The following C2CD3 variants were observed in gnomAD, a reference collection of about 807,000 sequenced individuals.
C2CD3 encodes the protein C2 domain containing 3 centriole elongation regulator.
C2CD3 carries 148 observed loss-of-function variants against 234.0 expected under a neutral mutation model. The observed-to-expected ratio is 0.63, with a 90% CI of 0.55 to 0.72. The LOEUF (loss-of-function observed/expected upper bound fraction) is 0.72. C2CD3 is among the 30% of genes least tolerant of loss of function. The probability of loss-of-function intolerance (pLI) is 0.00; values close to 1 mark genes in which losing one functional copy is unlikely to be tolerated. For synonymous variants in C2CD3, 1,000 were observed against 1,035.4 expected, an observed-to-expected ratio of 0.97 and a Z score of 0.66; for missense variants, 2,577 against 2,811.5, an observed-to-expected ratio of 0.92 and a Z score of 1.89.
At chr11:74,132,801 G>C in intron 7 of C2CD3, 43 bp downstream of exon 7, 3 of 1,591,320 alleles carry the variant, frequency 1.9e-6, no homozygotes, top group Non-Finnish European at 2.6e-6. Flanking sequence ...CTATGAATTG[G>C]AGGAAGAGTT....
At chr11:74,156,346 C>T (rs932641033) in intron 3 of C2CD3, among the ~76,000 whole-genome samples, 7 of 151,426 alleles carry the variant, frequency 4.6e-5, no homozygotes, top group African/African-American at 1.5e-4. Flanking sequence ...CCTGTAGTCC[C>T]CACTACTAGG....
chr11:74,106,524 T>C (rs984913027), intron 12 of C2CD3, 31 bp from the exon 13 acceptor site: 4 of 1,605,350 alleles, frequency 2.5e-6, no homozygotes, highest in African/African-American at 1.3e-5. Context: ...ACATTTAGAT[T>C]AATTAAAGAG....
intron 30 of C2CD3, chr11:74,034,485 T>C: frequency 6.3e-7 from 1 of 1,579,120 alleles, no homozygotes; most frequent in South Asian, 1.2e-5. Flanking sequence ...GACCAGAATC[T>C]AATCTATAGT....
At chr11:74,160,205 T>C (rs1049955719) in intron 3 of C2CD3, among the ~76,000 whole-genome samples, 2 of 152,092 alleles carry the variant, frequency 1.3e-5, no homozygotes, top group Non-Finnish European at 2.9e-5. Flanking sequence ...TGAGGACACA[T>C]TTCTCAAAAT....
intron 32 of C2CD3, among the ~76,000 whole-genome samples, chr11:74,025,369 A>C (rs543940335): frequency 3.9e-5 from 6 of 152,282 alleles, no homozygotes; most frequent in African/African-American, 1.2e-4. Flanking sequence ...AGGCTGAGGC[A>C]GGCGGATCAC....
At chr11:74,170,367 C>T (rs914207739) in intron 1 of C2CD3, among the ~76,000 whole-genome samples, 15 of 152,212 alleles carry the variant, frequency 9.9e-5, no homozygotes, top group Non-Finnish European at 1.6e-4. Context: ...CACAATCACA[C>T]AACAAATGAT....
rs745456841 is a variant in C2CD3, at chr11:74,133,490, C to G, written c.1023G>C (p.Glu341Asp). The change falls in exon 6 of 33, where the codon GAG becomes GAC. Residue 341 changes from glutamate to aspartate, a missense_variant. Coordinates refer to ENST00000334126, the MANE Select transcript of C2CD3 (RefSeq NM_001286577.2). ...GAACTTGGTCCAACAACATGCTGGT[C>G]TCTGGGCTTGATTTCATTGCAGAAA... Reference protein sequence around the residue: ...MVISAMKSSPETSMLLDQVHP... With the variant: ...MVISAMKSSPDTSMLLDQVHP... 1.9e-6 allele frequency: 3 copies of G among 1,613,930 alleles called. No homozygotes were observed. Among genetic ancestry groups the G allele is most frequent in the Non-Finnish European group, 2.5e-6 (3 of 1,179,822 alleles).
Position 74,098,200 on chromosome 11 carries a change from C to T in C2CD3, c.2788G>A (p.Asp930Asn), listed in dbSNP as rs759702373. 7.7e-5 allele frequency: 124 copies of T among 1,613,858 alleles called. No individual in the cohort carries two copies. The highest frequency in any genetic ancestry group is 9.8e-5 in the Non-Finnish European group (116 of 1,179,952). The stretch of plus-strand genomic sequence containing the variant: ...ACATCAATCACAGGCATGTAGCTGT[C>T]GACAGCAACAACTGGGTACTGGGCA... ...LDAQYPVVAV[D>N]SYMPVIDVFS... Residue 930 changes from aspartate to asparagine, a missense_variant, in exon 16 of 33, where the codon GAC becomes AAC. By Grantham distance (23) the Asp-to-Asn change is conservative. Transcript: ENST00000334126.
chr11:74,070,317 TTTGCTGAAGGCAAAGCTCC>T (rs759539868), intron 24 of C2CD3, among the ~76,000 whole-genome samples: 1 of 152,234 alleles, frequency 6.6e-6, no homozygotes, highest in Non-Finnish European at 1.5e-5. Context: ...AGAACTCAGC[TTTGCTGAAGGCAAAGCTCC>T]TAATTTGGGG....
chr11:74,103,923 G>GCTC (rs993603929), intron 13 of C2CD3, among the ~76,000 whole-genome samples: 109 of 152,200 alleles, frequency 7.2e-4, no homozygotes, highest in African/African-American at 2.5e-3. Context: ...AGCTGAAGAG[G>GCTC]CTCCCACTGG....
chr11:74,014,004 C>T (rs1041108709), intron 32 of C2CD3, among the ~76,000 whole-genome samples: 6 of 152,168 alleles, frequency 3.9e-5, no homozygotes, highest in African/African-American at 1.4e-4. Flanking sequence ...TTTGGAGCTC[C>T]TGGAGTTGCC....
chr11:74,118,406 C>A, intron 8 of C2CD3, 24 bp from the exon 9 acceptor site: 1 of 1,592,396 alleles, frequency 6.3e-7, no homozygotes, highest in Non-Finnish European at 8.6e-7. Flanking sequence ...GAAACAGAGA[C>A]ACTAAATGAC....
chr11:74,125,935 T>C (rs752537679), intron 7 of C2CD3, among the ~76,000 whole-genome samples: 1 of 152,176 alleles, frequency 6.6e-6, no homozygotes, highest in Non-Finnish European at 1.5e-5. Context: ...TCTCTCTCTA[T>C]GACATATACC....
In C2CD3 at chr11:74,168,485, G is replaced by T. The variant is rs587777653; in HGVS notation, c.184C>A (p.Arg62=). ...IAKPPTCVLV[R]VRWWGETSDG... ...GATGTTTCTCCCCACCATCTCACTC[G>T]GACAAGTACACAAGTGGGAGGCTTT... The change falls in exon 2 of 33, where the codon CGA becomes AGA. Residue 62 remains arginine, a synonymous_variant. Coordinates refer to ENST00000334126, the MANE Select transcript of C2CD3 (RefSeq NM_001286577.2). 2 of 1,613,980 alleles carry T rather than the reference G, an allele frequency of 1.2e-6. No homozygotes were observed. The highest frequency in any genetic ancestry group is 2.7e-5 in the African/African-American group (2 of 74,894).
intron 31 of C2CD3, among the ~76,000 whole-genome samples, chr11:74,031,451 G>T (rs1952519006): frequency 6.6e-6 from 1 of 152,140 alleles, no homozygotes; most frequent in Non-Finnish European, 1.5e-5. Context: ...ACTTTTCCTT[G>T]TCTCTATTGC....
At chr11:74,096,387 C>T (rs577156075) in intron 16 of C2CD3, among the ~76,000 whole-genome samples, 2 of 152,230 alleles carry the variant, frequency 1.3e-5, no homozygotes, top group East Asian at 3.9e-4. Context: ...TAGGTCTCTG[C>T]TTTGAAATCT....
intron 18 of C2CD3, among the ~76,000 whole-genome samples, chr11:74,093,577 C>T (rs916759406): frequency 6.6e-6 from 1 of 151,990 alleles, no homozygotes; most frequent in Non-Finnish European, 1.5e-5. Flanking sequence ...ATAAATAAAA[C>T]TTTCACTTTC....
At chr11:74,086,306 G>GCTTAA (rs1374670586) in intron 20 of C2CD3, among the ~76,000 whole-genome samples, 1 of 152,234 alleles carries the variant, frequency 6.6e-6, no homozygotes, top group Non-Finnish European at 1.5e-5. Context: ...TGACTTGAGT[G>GCTTAA]AGGGCTTAAA....
intron 21 of C2CD3, 69 bp from the exon 22 acceptor site, chr11:74,085,039 T>C: frequency 1.2e-6 from 1 of 824,378 alleles, no homozygotes; most frequent in South Asian, 1.4e-5. Flanking sequence ...TTACAGTATA[T>C]CCACACAACC....
Sources: gnomAD v4.1 joint callset for allele counts (sites outside exome capture counted in the v4.1 genomes callset) on GRCh38, gnomAD v4.1.1 for gene constraint, MANE v1.5 for transcripts, NCBI Gene and HGNC (gene_info 2026-07-23, HGNC 2026-07-21) for gene names.